TNFRSF11A: variants seen among roughly 807,000 people sequenced by gnomAD.
TNFRSF11A encodes tumor necrosis factor receptor superfamily member 11A.
In TNFRSF11A, 32 loss-of-function variants were observed where a neutral mutation model predicts 55.7. The observed-to-expected ratio is 0.57, with a 90% CI of 0.43 to 0.77. The LOEUF (loss-of-function observed/expected upper bound fraction) is 0.77. Among genes scored for constraint, TNFRSF11A ranks in the 30% least tolerant of loss-of-function variants. The probability of loss-of-function intolerance (pLI) is 0.00; values close to 1 mark genes in which losing one functional copy is unlikely to be tolerated. For missense variants in TNFRSF11A, 753 were observed against 809.8 expected (o/e 0.93, Z 0.85); for synonymous variants, 311 against 331.0 (o/e 0.94, Z 0.65).
At chr18:62,366,048 C>T (rs1910063892) in intron 7 of TNFRSF11A, among the ~76,000 whole-genome samples, 1 of 152,138 alleles carries the variant, frequency 6.6e-6, no homozygotes, top group African/African-American at 2.4e-5. Context: ...GAACTCCTGA[C>T]CTCAAGTGAT....
At chr18:62,330,232 G>C (rs2046131824) in intron 1 of TNFRSF11A, among the ~76,000 whole-genome samples, 2 of 152,144 alleles carry the variant, frequency 1.3e-5, no homozygotes, top group Non-Finnish European at 2.9e-5. Flanking sequence ...CGGTGTTCTG[G>C]GGAGGGTTTT....
intron 1 of TNFRSF11A, among the ~76,000 whole-genome samples, chr18:62,335,542 T>C (rs2046219700): frequency 6.6e-6 from 1 of 151,880 alleles, no homozygotes; most frequent in South Asian, 2.1e-4. Flanking sequence ...ACCCAAGGGG[T>C]GAGGTCACGC....
intron 1 of TNFRSF11A, among the ~76,000 whole-genome samples, chr18:62,345,740 T>G (rs1028847796): frequency 1.3e-5 from 2 of 152,076 alleles, no homozygotes; most frequent in African/African-American, 4.8e-5. Context: ...CCTCAGTTTT[T>G]GGGCAGGGGT....
chr18:62,380,435 A>AT (rs577681535), intron 9 of TNFRSF11A, among the ~76,000 whole-genome samples: 6,232 of 136,328 alleles, frequency 0.046, 370 homozygotes, highest in African/African-American at 0.12. Context: ...ACGGTCAGGA[A>AT]TTTTTTTTTT....
intron 1 of TNFRSF11A, among the ~76,000 whole-genome samples, chr18:62,340,227 G>A (rs1010561411): frequency 1.3e-5 from 2 of 151,700 alleles, no homozygotes; most frequent in African/African-American, 4.8e-5. Flanking sequence ...ATTCGTTTTG[G>A]GTTTTCTTTG....
chr18:62,353,461 C>A (rs935301716), intron 3 of TNFRSF11A, among the ~76,000 whole-genome samples: 1 of 152,216 alleles, frequency 6.6e-6, no homozygotes, highest in African/African-American at 2.4e-5. Flanking sequence ...CGTTTACCTT[C>A]TGTGAGCTGA....
rs752545698 is a variant in TNFRSF11A at position 62,348,187 on chromosome 18, C to G, written c.95C>G (p.Pro32Arg). Residue 32 changes from proline to arginine, a missense_variant, in exon 2 of 10, where the codon CCT (proline) becomes CGT (arginine). Coordinates refer to ENST00000586569, the MANE Select transcript of TNFRSF11A (RefSeq NM_003839.4). ...TTTCAGGTGGCTTTGCAGATCGCTC[C>G]TCCATGTACCAGTGAGAAGCATTAT... The part of the protein sequence containing the change: ...ARLQVALQIA[P>R]PCTSEKHYEH... 15 of 1,614,096 alleles carry G rather than the reference C, an allele frequency of 9.3e-6. 1 individual carries two copies. In the South Asian group the frequency reaches 9.9e-5, roughly 11 times the overall value.
intron 2 of TNFRSF11A, among the ~76,000 whole-genome samples, chr18:62,348,816 C>T (rs2046422708): frequency 1.3e-5 from 2 of 152,208 alleles, no homozygotes; most frequent in African/African-American, 4.8e-5. Flanking sequence ...ACTCTCTCAT[C>T]ATTCTGGGGA....
intron 1 of TNFRSF11A, among the ~76,000 whole-genome samples, chr18:62,346,831 C>T (rs17720926): frequency 0.12 from 18,397 of 152,226 alleles, 1,592 homozygotes; most frequent in Non-Finnish European, 0.18. Flanking sequence ...GCCCTCCATC[C>T]GAGCACTTTC....
chr18:62,326,496 G>T (rs1484013868), intron 1 of TNFRSF11A, among the ~76,000 whole-genome samples: 1 of 152,220 alleles, frequency 6.6e-6, no homozygotes, highest in Non-Finnish European at 1.5e-5. Context: ...AAGCACTTCA[G>T]GTGTTGCTTA....
At chr18:62,371,657 G>A (rs1193913721) in intron 9 of TNFRSF11A, among the ~76,000 whole-genome samples, 24 of 152,174 alleles carry the variant, frequency 1.6e-4, no homozygotes, top group Non-Finnish European at 4.4e-5. Context: ...ATTAATTTTC[G>A]CCTGAGGAGA....
Position 62,385,037 on chromosome 18 carries a change from GC to G in TNFRSF11A, c.*9del. On this transcript the variant is annotated 3_prime_UTR_variant, in exon 10 of 10. Transcript: ENST00000586569. ...AGCAAGGCGGGGCCAAGGCTTGAGC[GC>G]CCCCCATGGCTGGGAGCCCGAAGCT... 6 of 1,468,660 alleles carry G rather than the reference GC, an allele frequency of 4.1e-6. No individual in the cohort carries two copies. The highest frequency in any genetic ancestry group is 2.5e-5 in the Admixed American group (1 of 39,268). The allele number at this position is 1,468,660 out of a possible 1,614,324, so 91.0% of individuals were successfully genotyped here.
intron 1 of TNFRSF11A, among the ~76,000 whole-genome samples, chr18:62,335,274 A>AT (rs143945132): frequency 0.15 from 23,064 of 151,322 alleles, 2,389 homozygotes; most frequent in Middle Eastern, 0.28. Context: ...CATTTGGCTA[A>AT]TTTTTTTTGT....
chr18:62,346,159 C>T (rs1489894445), intron 1 of TNFRSF11A, among the ~76,000 whole-genome samples: 1 of 152,188 alleles, frequency 6.6e-6, no homozygotes, highest in Non-Finnish European at 1.5e-5. Context: ...TCTGTGGCTG[C>T]CCCCTTAGGG....
chr18:62,354,595 A>G (rs1909113465), intron 4 of TNFRSF11A, 61 bp downstream of exon 4: 2 of 1,597,374 alleles, frequency 1.3e-6, no homozygotes, highest in South Asian at 2.2e-5. Flanking sequence ...CAGCTTTGAG[A>G]CAGTCTTGAT....
intron 2 of TNFRSF11A, 92 bp from the exon 3 acceptor site, chr18:62,349,720 A>G: frequency 6.8e-7 from 1 of 1,466,870 alleles, no homozygotes; most frequent in South Asian, 1.1e-5. Flanking sequence ...TTGGTCCCAT[A>G]GATGGGTGCA....
chr18:62,352,568 C>G (rs1490319254), intron 3 of TNFRSF11A, among the ~76,000 whole-genome samples: 1 of 152,140 alleles, frequency 6.6e-6, no homozygotes. Context: ...TTGATTAAAG[C>G]CAAAAATCTG....
At chr18:62,384,525 G>A (rs1261572619) in intron 9 of TNFRSF11A, among the ~76,000 whole-genome samples, 1 of 110,844 alleles carries the variant, frequency 9.0e-6, no homozygotes, top group Admixed American at 1.2e-4. Flanking sequence ...TCCTCTCCCC[G>A]CCTCTTCTCT....
chr18:62,354,811 G>A (rs1263022776), intron 4 of TNFRSF11A, among the ~76,000 whole-genome samples: 2 of 152,184 alleles, frequency 1.3e-5, no homozygotes, highest in African/African-American at 2.4e-5. Flanking sequence ...TCCATCCGTG[G>A]AAACCTGGGA....
Sources: gnomAD v4.1 joint callset for allele counts (sites outside exome capture counted in the v4.1 genomes callset) on GRCh38, gnomAD v4.1.1 for gene constraint, MANE v1.5 for transcripts, NCBI Gene and HGNC (gene_info 2026-07-23, HGNC 2026-07-21) for gene names.